The following KAT6B variants were observed in gnomAD, a reference collection of about 807,000 sequenced individuals.
The protein encoded by KAT6B is histone acetyltransferase KAT6B.
Under a neutral mutation model 187.5 loss-of-function variants are expected in KAT6B, and 10 were observed. The ratio of observed to expected loss-of-function variants is 0.05; its 90% CI spans 0.03 to 0.09. The LOEUF (loss-of-function observed/expected upper bound fraction) is 0.09, where lower values mean the gene tolerates loss of function less well. Ranked by LOEUF, KAT6B falls within the 10% of genes least tolerant of loss-of-function variation. The probability of loss-of-function intolerance (pLI) is 1.00; values close to 1 mark genes in which losing one functional copy is unlikely to be tolerated. For synonymous variants in KAT6B, 861 were observed against 926.8 expected, an observed-to-expected ratio of 0.93 and a Z score of 1.29; for missense variants, 1,952 against 2,558.9, an observed-to-expected ratio of 0.76 and a Z score of 5.12.
chr10:74,986,735 T>C (rs1842830717), intron 12 of KAT6B, among the ~76,000 whole-genome samples: 1 of 152,234 alleles, frequency 6.6e-6, no homozygotes, highest in Admixed American at 6.5e-5. Context: ...ATAAAACACC[T>C]TACCTTTTAT....
chr10:74,932,575 A>G (rs1027850487), intron 3 of KAT6B, among the ~76,000 whole-genome samples: 4 of 152,204 alleles, frequency 2.6e-5, no homozygotes, highest in African/African-American at 9.7e-5. Flanking sequence ...TAAAAAAGTA[A>G]TCATTAGATG....
chr10:74,963,006 C>T (rs947373342), intron 4 of KAT6B, among the ~76,000 whole-genome samples: 1 of 152,134 alleles, frequency 6.6e-6, no homozygotes, highest in Non-Finnish European at 1.5e-5. Flanking sequence ...TGGTTTTCCT[C>T]ATCTGTGGGG....
intron 3 of KAT6B, among the ~76,000 whole-genome samples, chr10:74,928,594 T>TGG (rs1848654733): frequency 6.6e-6 from 1 of 152,180 alleles, no homozygotes; most frequent in African/African-American, 2.4e-5. Flanking sequence ...TAATCACTGG[T>TGG]GGGGGGCCTG....
At chr10:74,827,211 G>A (rs1370877002) in intron 1 of KAT6B, 1 of 152,982 alleles carries the variant, frequency 6.5e-6, no homozygotes, top group Non-Finnish European at 1.5e-5. Context: ...CAGAGGGAGA[G>A]TTAGGGAGGG....
At chr10:74,940,829 C>A (rs971602537) in intron 3 of KAT6B, among the ~76,000 whole-genome samples, 8 of 152,132 alleles carry the variant, frequency 5.3e-5, no homozygotes, top group African/African-American at 1.9e-4. Flanking sequence ...GCAACAAATT[C>A]TTGGTCGCCT....
At chr10:74,941,042 A>G (rs1164007974) in intron 3 of KAT6B, among the ~76,000 whole-genome samples, 1 of 152,174 alleles carries the variant, frequency 6.6e-6, no homozygotes, top group Non-Finnish European at 1.5e-5. Context: ...CATTTTTTTT[A>G]GAAGATCCAT....
At chr10:74,879,714 TCG>T (rs1844711730) in intron 3 of KAT6B, among the ~76,000 whole-genome samples, 3 of 152,174 alleles carry the variant, frequency 2.0e-5, no homozygotes, top group Non-Finnish European at 4.4e-5. Flanking sequence ...CCAGACAGTG[TCG>T]TTTTTGTTTT....
chr10:74,935,477 T>C (rs981751025), intron 3 of KAT6B, among the ~76,000 whole-genome samples: 2 of 152,198 alleles, frequency 1.3e-5, no homozygotes, highest in Non-Finnish European at 2.9e-5. Flanking sequence ...TTGTAAAACT[T>C]TTTGTTGAGA....
At chr10:74,943,964 C>T (rs1849894537) in intron 3 of KAT6B, among the ~76,000 whole-genome samples, 1 of 152,132 alleles carries the variant, frequency 6.6e-6, no homozygotes, top group Admixed American at 6.5e-5. Context: ...AGACAAACAA[C>T]CCAATTAAAC....
intron 15 of KAT6B, 70 bp from the exon 16 acceptor site, chr10:75,021,811 A>G (rs764600904): frequency 1.2e-4 from 180 of 1,559,982 alleles, no homozygotes; most frequent in Non-Finnish European, 1.5e-4. Context: ...ACACTTTGCC[A>G]TTGATCCTCA....
At chr10:74,894,547 CTG>C (rs1247833702) in intron 3 of KAT6B, among the ~76,000 whole-genome samples, 5 of 152,202 alleles carry the variant, frequency 3.3e-5, no homozygotes, top group African/African-American at 1.2e-4. Flanking sequence ...AACCGAAACT[CTG>C]TACCCAGGAA....
chr10:74,868,269 T>C (rs895305839), intron 3 of KAT6B, among the ~76,000 whole-genome samples: 2 of 152,220 alleles, frequency 1.3e-5, no homozygotes, highest in African/African-American at 4.8e-5. Flanking sequence ...ACGGTGTCCC[T>C]GTCTTGCCCA....
At chr10:74,913,146 A>T (rs1004988278) in intron 3 of KAT6B, among the ~76,000 whole-genome samples, 2 of 152,214 alleles carry the variant, frequency 1.3e-5, no homozygotes, top group Admixed American at 1.3e-4. Flanking sequence ...TTTGTATGAC[A>T]GGTAAGTCTA....
At chr10:74,974,565 G>A (rs890533523) in intron 7 of KAT6B, among the ~76,000 whole-genome samples, 2 of 152,166 alleles carry the variant, frequency 1.3e-5, no homozygotes, top group Non-Finnish European at 2.9e-5. Flanking sequence ...GTTCATGTAA[G>A]CAGCTGTGTT....
rs1248551392 is a variant in KAT6B at position 74,843,017 on chromosome 10, A to G, written c.160A>G (p.Ser54Gly). Residue 54 changes from serine (S) to glycine (G), a missense_variant, in exon 3 of 18, where the codon AGT (serine) becomes GGT (glycine). Physicochemically the swap from Ser to Gly is moderately conservative, Grantham distance 56 (BLOSUM62 0). Transcript: ENST00000287239. ...KKTVSEQLEL[S>G]VQDGSVLKVT... ...GACAGTCTCTGAACAGCTGGAACTCAGTGTTCAGGATGGCTCAGTTCTCAA... is the reference window on the plus strand; with the variant it reads ...GACAGTCTCTGAACAGCTGGAACTCGGTGTTCAGGATGGCTCAGTTCTCAA... 1.9e-6 allele frequency: 3 copies of G among 1,613,976 alleles called. No homozygotes were observed. Among genetic ancestry groups the G allele is most frequent in the African/African-American group, 1.3e-5 (1 of 74,924 alleles).
At chr10:75,000,117 AG>A (rs1351164708) in intron 13 of KAT6B, among the ~76,000 whole-genome samples, 3 of 152,020 alleles carry the variant, frequency 2.0e-5, no homozygotes, top group African/African-American at 4.8e-5. Context: ...GGTTGCAGTG[AG>A]CTGAGATCAC....
At chr10:74,900,629 C>T (rs1846314156) in intron 3 of KAT6B, among the ~76,000 whole-genome samples, 1 of 152,224 alleles carries the variant, frequency 6.6e-6, no homozygotes, top group Admixed American at 6.5e-5. Context: ...GCTCACTCAA[C>T]TGGCTAGGGG....
chr10:75,006,598 C>T (rs1337017927), intron 13 of KAT6B, among the ~76,000 whole-genome samples: 5 of 152,150 alleles, frequency 3.3e-5, no homozygotes, highest in African/African-American at 9.7e-5. Context: ...TTCAGGTAAA[C>T]ACCACCATGC....
rs56276008 is a variant in KAT6B at position 74,942,765 on chromosome 10, C to CAAAAAA, written c.622-17183_622-17178dup. ...AGGCAACAAGAGCGAAACTCCATCG[C>CAAAAAA]AAAAAAAAAAAAAAAAAAAAAAAAA... On this transcript the variant is annotated intron_variant, in intron 3 of 17. Transcript: ENST00000287239. Among the ~76,000 whole-genome samples, 52 of 9,364 alleles carry CAAAAAA rather than the reference C, an allele frequency of 5.6e-3. 18 individuals carry two copies. Among genetic ancestry groups the CAAAAAA allele is most frequent in the East Asian group, 0.018 (5 of 274 alleles). The allele number at this position is 9,364 out of a possible 152,430, so 6.1% of individuals were successfully genotyped here. A position where few individuals can be genotyped will look rare whatever the true frequency, so the allele number is the denominator to read the frequency against.
Sources: allele counts gnomAD v4.1 joint callset (sites outside exome capture counted in the v4.1 genomes callset), GRCh38; gene constraint gnomAD v4.1.1; transcripts MANE v1.5; gene names NCBI Gene and HGNC (gene_info 2026-07-23, HGNC 2026-07-21).